Variants in TMEM135 observed in about 807,000 individuals in gnomAD.
TMEM135 encodes peroxisomal membrane protein 52.
A neutral mutation model predicts 60.3 loss-of-function variants in TMEM135; 30 were observed. That is an observed-to-expected ratio of 0.50 (90% CI 0.37 to 0.68). The LOEUF (loss-of-function observed/expected upper bound fraction) is 0.68. TMEM135 is among the 30% of genes least tolerant of loss of function. The pLI is 0.00. For missense variants in TMEM135, 468 were observed against 548.8 expected, an observed-to-expected ratio of 0.85 and a Z score of 1.47; for synonymous variants, 190 against 186.7, an observed-to-expected ratio of 1.02 and a Z score of -0.14.
intron 5 of TMEM135, among the ~76,000 whole-genome samples, chr11:87,186,826 T>G (rs1425176609): frequency 6.6e-6 from 1 of 152,184 alleles, no homozygotes; most frequent in Non-Finnish European, 1.5e-5. Context: ...CTCTGTGATA[T>G]CCCACATTTT....
chr11:87,215,312 T>C (rs1371146978), intron 5 of TMEM135, among the ~76,000 whole-genome samples: 1 of 152,202 alleles, frequency 6.6e-6, no homozygotes, highest in African/African-American at 2.4e-5. Context: ...CCCCAAAACT[T>C]ACTGGCTTTA....
intron 5 of TMEM135, among the ~76,000 whole-genome samples, chr11:87,227,078 C>T (rs977630954): frequency 1.3e-5 from 2 of 151,816 alleles, no homozygotes; most frequent in Non-Finnish European, 2.9e-5. Flanking sequence ...CAAAAAAACA[C>T]AATGGCCAAT....
At chr11:87,252,798 ATG>A (rs558272693) in intron 6 of TMEM135, among the ~76,000 whole-genome samples, 208 of 134,200 alleles carry the variant, frequency 1.5e-3, no homozygotes, top group South Asian at 0.011. Flanking sequence ...TAAAATATAT[ATG>A]TGTGTGTGTG....
In TMEM135 at chr11:87,236,630, T is replaced by C. The variant is rs1285404747; in HGVS notation, c.463-8T>C. 1.9e-6 allele frequency: 3 copies of C among 1,611,938 alleles called. No homozygotes were observed. Among genetic ancestry groups the C allele is most frequent in the Non-Finnish European group, 2.5e-6 (3 of 1,178,764 alleles). On this transcript the variant is annotated splice_region_variant and splice_polypyrimidine_tract_variant and intron_variant, in intron 5 of 14. Transcript: ENST00000305494. ...TTTTGCAAGTAATATATTTTCTCTTTGTTACAGGTCCTTTTGTTTTGCATC... is the reference window on the plus strand; with the variant it reads ...TTTTGCAAGTAATATATTTTCTCTTCGTTACAGGTCCTTTTGTTTTGCATC...
chr11:87,251,463 C>A (rs658369), intron 6 of TMEM135, among the ~76,000 whole-genome samples: 100,131 of 151,918 alleles, frequency 0.66, 33,578 homozygotes, highest in Non-Finnish European at 0.71. Context: ...TGCTACACCT[C>A]ATTTTCTTCA....
chr11:87,321,217 C>T lies in TMEM135; in HGVS notation c.1261C>T (p.Arg421Ter), dbSNP rs779626425. The T allele has an allele frequency of 2.5e-6, 4 of 1,613,052 alleles. No homozygotes were observed. Among genetic ancestry groups the T allele is most frequent in the Non-Finnish European group, 2.5e-6 (3 of 1,179,290 alleles). The change falls in exon 15 of 15, where the codon CGA becomes TGA. Residue 421 changes from arginine (R) to a stop codon, truncating the protein, a stop_gained. Coordinates refer to ENST00000305494, the MANE Select transcript of TMEM135 (RefSeq NM_022918.4). LOFTEE classifies it high-confidence loss of function. ...LTKGKFAVMN[R>*]KVLDVFGTGA... The stretch of plus-strand genomic sequence containing the variant: ...GTTTTACAGATTTGCTGTCATGAAC[C>T]GAAAAGTCCTTGATGTTTTTGGTAC...
intron 4 of TMEM135, chr11:87,096,186 T>A (rs2512325): frequency 0.48 from 142,263 of 297,916 alleles, 37,258 homozygotes; most frequent in East Asian, 0.69. Flanking sequence ...AAAAGTTTTT[T>A]ATCCGTTAAA....
At chr11:87,065,428 C>A (rs1391848987) in intron 1 of TMEM135, among the ~76,000 whole-genome samples, 1 of 152,132 alleles carries the variant, frequency 6.6e-6, no homozygotes, top group East Asian at 1.9e-4. Flanking sequence ...TAGCATTTTC[C>A]TGATGGCTAA....
Position 87,207,846 on chromosome 11 carries a change from T to A in TMEM135, c.463-28792T>A, listed in dbSNP as rs997377777. On this transcript the variant is annotated intron_variant, in intron 5 of 14. Coordinates refer to ENST00000305494, the MANE Select transcript of TMEM135 (RefSeq NM_022918.4). ...CCCCATGGTGTGCTCTTGCCAGTAG[T>A]CTGGGAGCACGTTGACTCCTCCAGC... 2.6e-5 allele frequency among the ~76,000 whole-genome samples: 4 copies of A among 152,314 alleles called. No homozygotes were observed. The East Asian group carries it at 7.7e-4, about 29-fold the overall frequency.
In TMEM135 at chr11:87,309,592, T is replaced by C; in HGVS notation, c.856T>C (p.Ser286Pro). Residue 286 changes from serine to proline, a missense_variant, in exon 10 of 15, where the codon TCT (serine) becomes CCT (proline). Transcript: ENST00000305494. ...SAFRHLFTQP[S>P]RLLSLFYNKE... The stretch of plus-strand genomic sequence containing the variant: ...ATTTAGGCATCTGTTTACACAGCCA[T>C]CTCGGCTACTTTCTCTCTTCTACAA... 7.4e-6 allele frequency: 12 copies of C among 1,613,968 alleles called. No individual in the cohort carries two copies. The highest frequency in any genetic ancestry group is 1.0e-5 in the Non-Finnish European group (12 of 1,179,856).
intron 5 of TMEM135, among the ~76,000 whole-genome samples, chr11:87,174,740 G>A (rs768135876): frequency 7.9e-5 from 12 of 152,078 alleles, no homozygotes; most frequent in Non-Finnish European, 1.8e-4. Flanking sequence ...CTTACAGCAG[G>A]TCCTCCAATC....
intron 5 of TMEM135, among the ~76,000 whole-genome samples, chr11:87,198,599 C>T (rs902093629): frequency 1.4e-5 from 2 of 143,960 alleles, no homozygotes; most frequent in Non-Finnish European, 3.0e-5. Context: ...ATTCTCCTTG[C>T]TTCCTCTTCC....
chr11:87,148,866 G>C (rs544910454), intron 4 of TMEM135, among the ~76,000 whole-genome samples: 1 of 152,126 alleles, frequency 6.6e-6, no homozygotes, highest in Non-Finnish European at 1.5e-5. Flanking sequence ...TATAATTTTT[G>C]TTTGAGTATG....
At chr11:87,201,493 C>T (rs1940093067) in intron 5 of TMEM135, among the ~76,000 whole-genome samples, 1 of 152,060 alleles carries the variant, frequency 6.6e-6, no homozygotes, top group African/African-American at 2.4e-5. Context: ...ACAAAGTAAC[C>T]TTGGCTTTCA....
rs961933648 is a variant in TMEM135 at position 87,325,576 on chromosome 11, G to C, written c.*4243G>C. 4 of 453,516 alleles carry C rather than the reference G, an allele frequency of 8.8e-6. No individual in the cohort carries two copies. Among genetic ancestry groups the C allele is most frequent in the African/African-American group, 6.0e-5 (3 of 49,818 alleles). 28.1% of individuals were successfully genotyped at this position (453,516 alleles called of 1,614,324 possible). On this transcript the variant is annotated 3_prime_UTR_variant, in exon 15 of 15. Transcript: ENST00000305494. ...CACCTTGTCCATTCTCTGCTTGCTG[G>C]TGTTACTTTATGTTAACTAGTCTCC...
At chr11:87,204,267 C>CA (rs1412546239) in intron 5 of TMEM135, among the ~76,000 whole-genome samples, 1 of 148,460 alleles carries the variant, frequency 6.7e-6, no homozygotes, top group Non-Finnish European at 1.5e-5. Flanking sequence ...AATATTCGTA[C>CA]AATTTTTTTT....
chr11:87,191,921 TG>T (rs1250460356), intron 5 of TMEM135, among the ~76,000 whole-genome samples: 3 of 151,658 alleles, frequency 2.0e-5, no homozygotes, highest in Admixed American at 6.6e-5. Context: ...CATCTGGACG[TG>T]GGGCATTTTT....
intron 4 of TMEM135, among the ~76,000 whole-genome samples, chr11:87,144,063 T>C (rs1273492926): frequency 6.6e-6 from 1 of 152,176 alleles, no homozygotes; most frequent in African/African-American, 2.4e-5. Context: ...TAGATGTTCC[T>C]GATAAATTTC....
At chr11:87,275,492 T>A (rs997180849) in intron 6 of TMEM135, among the ~76,000 whole-genome samples, 81 of 151,736 alleles carry the variant, frequency 5.3e-4, no homozygotes, top group Non-Finnish European at 7.1e-4. Flanking sequence ...AAAAAAAAAA[T>A]AACCAAATAT....
Sources: gnomAD v4.1 joint callset for allele counts (sites outside exome capture counted in the v4.1 genomes callset) on GRCh38, gnomAD v4.1.1 for gene constraint, MANE v1.5 for transcripts, NCBI Gene and HGNC (gene_info 2026-07-23, HGNC 2026-07-21) for gene names.